Variants in COBL observed in about 807,000 individuals in gnomAD.
COBL encodes protein cordon-bleu.
Under a neutral mutation model 98.8 loss-of-function variants are expected in COBL, and 51 were observed. The observed-to-expected ratio is 0.52, with a 90% CI of 0.41 to 0.65. The LOEUF (loss-of-function observed/expected upper bound fraction) is 0.65. Ranked by LOEUF, COBL falls within the 30% of genes least tolerant of loss-of-function variation. The pLI is 0.00. For missense variants in COBL, 1,617 were observed against 1,617.5 expected (o/e 1.00, Z 0.01); for synonymous variants, 634 against 651.7 (o/e 0.97, Z 0.41).
chr7:51,168,497 C>T (rs915351878), intron 5 of COBL, among the ~76,000 whole-genome samples: 10 of 151,668 alleles, frequency 6.6e-5, no homozygotes, highest in Non-Finnish European at 1.3e-4. Flanking sequence ...ATACAAATGG[C>T]AAACAGGCAT....
chr7:51,098,934 A>G (rs4948187), intron 6 of COBL, among the ~76,000 whole-genome samples: 71,802 of 151,968 alleles, frequency 0.47, 17,898 homozygotes, highest in African/African-American at 0.64. Context: ...AATCTGATTT[A>G]CAAAGAGGCA....
At chr7:51,041,208 G>T (rs1789157715) in intron 8 of COBL, among the ~76,000 whole-genome samples, 1 of 152,116 alleles carries the variant, frequency 6.6e-6, no homozygotes, top group Admixed American at 6.6e-5. Context: ...TATAAACTTG[G>T]TCTTGGAGTC....
At chr7:51,023,602 G>A (rs1205447055) in intron 12 of COBL, among the ~76,000 whole-genome samples, 2 of 152,332 alleles carry the variant, frequency 1.3e-5, no homozygotes, top group Middle Eastern at 6.8e-3. Context: ...GGGCAACAAA[G>A]TTGTGACCTC....
intron 5 of COBL, among the ~76,000 whole-genome samples, chr7:51,161,630 C>CTTAT (rs1786816108): frequency 6.6e-6 from 1 of 151,874 alleles, no homozygotes; most frequent in African/African-American, 2.4e-5. Context: ...TTGTTGTTTG[C>CTTAT]TTGTTTTATA....
chr7:51,287,802 T>C lies in COBL; in HGVS notation c.41+28791A>G, dbSNP rs541658940. Among the ~76,000 whole-genome samples, 6 of 151,472 alleles carry C rather than the reference T, an allele frequency of 4.0e-5. No individual in the cohort carries two copies. The South Asian group carries it at 1.3e-3, about 32-fold the overall frequency. On this transcript the variant is annotated intron_variant, in intron 1 of 12. Transcript: ENST00000265136. ...CCATATGATAGAAGATGACTCTGCA[T>C]AATAACTGGGCTACAAAGTGAGACT...
intron 5 of COBL, among the ~76,000 whole-genome samples, chr7:51,182,577 C>G (rs535698133): frequency 6.6e-6 from 1 of 151,494 alleles, no homozygotes; most frequent in Non-Finnish European, 1.5e-5. Context: ...CCACCGCGCC[C>G]GGCCACAAAA....
intron 2 of COBL, among the ~76,000 whole-genome samples, chr7:51,196,814 TAGA>T (rs1273753334): frequency 1.3e-5 from 2 of 152,130 alleles, no homozygotes; most frequent in African/African-American, 4.8e-5. Flanking sequence ...TTTATGTGCA[TAGA>T]AGTGTTCATA....
At chr7:51,295,223 T>C (rs1215218105) in intron 1 of COBL, among the ~76,000 whole-genome samples, 1 of 150,094 alleles carries the variant, frequency 6.7e-6, no homozygotes, top group Non-Finnish European at 1.5e-5. Flanking sequence ...GAGGCAGAGG[T>C]TGTCGTGAGC....
At chr7:51,092,886 T>C (rs1390286677) in intron 6 of COBL, among the ~76,000 whole-genome samples, 1 of 152,224 alleles carries the variant, frequency 6.6e-6, no homozygotes, top group Non-Finnish European at 1.5e-5. Context: ...ATTTTAACAA[T>C]ATTAATTATT....
intron 5 of COBL, among the ~76,000 whole-genome samples, chr7:51,145,709 C>G (rs1389226681): frequency 6.6e-6 from 1 of 152,214 alleles, no homozygotes; most frequent in African/African-American, 2.4e-5. Flanking sequence ...TACTGAGGAA[C>G]AGCCAAAGTG....
intron 5 of COBL, among the ~76,000 whole-genome samples, chr7:51,145,960 C>T (rs1194475268): frequency 6.6e-6 from 1 of 152,086 alleles, no homozygotes; most frequent in African/African-American, 2.4e-5. Flanking sequence ...GTGGGCCCCA[C>T]CGCTCTCACC....
chr7:51,074,416 G>A (rs1318614234), intron 7 of COBL, among the ~76,000 whole-genome samples: 3 of 151,990 alleles, frequency 2.0e-5, no homozygotes, highest in Non-Finnish European at 1.5e-5. Flanking sequence ...GGATGGTCTC[G>A]ATCTCCTGAC....
At chr7:51,304,638 C>A (rs1317392190) in intron 1 of COBL, among the ~76,000 whole-genome samples, 1 of 151,996 alleles carries the variant, frequency 6.6e-6, no homozygotes, top group Non-Finnish European at 1.5e-5. Flanking sequence ...GGTGTCAGGA[C>A]AGAGTTTCAC....
Position 51,136,321 on chromosome 7 carries a change from G to A in COBL, c.794C>T (p.Thr265Met), listed in dbSNP as rs765774339. ...NKRSNSKGCL[T>M]TPNSPSMHSR... The stretch of plus-strand genomic sequence containing the variant: ...GTGCATGGATGGGGAGTTGGGGGTC[G>A]TTAAACAGCCCTGTTGGGGAAGAGA... Residue 265 changes from threonine (T) to methionine (M), a missense_variant, in exon 6 of 13, where the codon ACG becomes ATG. Transcript: ENST00000265136. 8 of 1,612,532 alleles carry A rather than the reference G, an allele frequency of 5.0e-6. No homozygotes were observed. Among genetic ancestry groups the A allele is most frequent in the South Asian group, 2.2e-5 (2 of 90,756 alleles).
intron 2 of COBL, among the ~76,000 whole-genome samples, chr7:51,194,099 C>A (rs967823133): frequency 6.6e-6 from 1 of 152,074 alleles, no homozygotes; most frequent in African/African-American, 2.4e-5. Flanking sequence ...TCCTTTCCCT[C>A]CTCCCACCCT....
At chr7:51,232,984 A>T (rs1794910922) in intron 1 of COBL, among the ~76,000 whole-genome samples, 1 of 152,244 alleles carries the variant, frequency 6.6e-6, no homozygotes, top group Non-Finnish European at 1.5e-5. Context: ...ATAACTATGC[A>T]AGTGATCAGG....
intron 6 of COBL, among the ~76,000 whole-genome samples, chr7:51,127,093 C>T (rs546262872): frequency 4.6e-5 from 7 of 152,228 alleles, no homozygotes; most frequent in African/African-American, 7.2e-5. Context: ...TGCTCAAGGC[C>T]GTGGGACGTG....
chr7:51,038,713 A>AAGTTT (rs1788872717), intron 8 of COBL, among the ~76,000 whole-genome samples: 1 of 152,164 alleles, frequency 6.6e-6, no homozygotes, highest in Non-Finnish European at 1.5e-5. Flanking sequence ...TTTCTTGATG[A>AAGTTT]CTGGGACTAC....
chr7:51,273,753 T>C (rs759342151), intron 1 of COBL, among the ~76,000 whole-genome samples: 10 of 152,232 alleles, frequency 6.6e-5, no homozygotes, highest in Non-Finnish European at 1.5e-4. Flanking sequence ...TTTTACCTAT[T>C]TGAAAATAGC....
Sources: gnomAD v4.1 joint callset for allele counts (sites outside exome capture counted in the v4.1 genomes callset) on GRCh38, gnomAD v4.1.1 for gene constraint, MANE v1.5 for transcripts, NCBI Gene and HGNC (gene_info 2026-07-23, HGNC 2026-07-21) for gene names.